Variants in PHACTR1 observed in about 807,000 individuals in gnomAD.
The protein encoded by PHACTR1 is RPEL repeat containing 1.
PHACTR1 carries 16 observed loss-of-function variants against 69.2 expected under a neutral mutation model. The ratio of observed to expected loss-of-function variants is 0.23; its 90% CI spans 0.16 to 0.35. The LOEUF is 0.35. Among genes scored for constraint, PHACTR1 ranks in the 10% least tolerant of loss-of-function variants. The pLI is 1.00. For synonymous variants in PHACTR1, 312 were observed against 284.5 expected (o/e 1.10, Z -0.97); for missense variants, 510 against 734.7 (o/e 0.69, Z 3.54).
chr6:12,800,371 A>G (rs985880078), intron 4 of PHACTR1, among the ~76,000 whole-genome samples: 3 of 152,224 alleles, frequency 2.0e-5, no homozygotes, highest in African/African-American at 7.2e-5. Flanking sequence ...TGGGCAACAC[A>G]TGCAGGGAGA....
At chr6:12,929,557 C>G (rs1049977551) in intron 4 of PHACTR1, among the ~76,000 whole-genome samples, 3 of 152,138 alleles carry the variant, frequency 2.0e-5, no homozygotes, top group African/African-American at 4.8e-5. Context: ...ATGGTTTAAT[C>G]CAAGGAAGAC....
chr6:13,156,694 C>T (rs537011862), intron 5 of PHACTR1, among the ~76,000 whole-genome samples: 104 of 152,326 alleles, frequency 6.8e-4, no homozygotes, highest in African/African-American at 2.3e-3. Flanking sequence ...TGGCTAGCAT[C>T]GAACTTGTCA....
At chr6:13,236,384 A>G (rs150204484) in intron 10 of PHACTR1, among the ~76,000 whole-genome samples, 1 of 152,288 alleles carries the variant, frequency 6.6e-6, no homozygotes, top group Non-Finnish European at 1.5e-5. Flanking sequence ...GAGTCCCACA[A>G]ATCAAGTGGC....
chr6:13,278,465 C>A, intron 12 of PHACTR1, 136 bp downstream of exon 12: 1 of 696,558 alleles, frequency 1.4e-6, no homozygotes, highest in South Asian at 1.9e-5. Context: ...CACTCTCTTA[C>A]TCTATAAGAC....
intron 5 of PHACTR1, among the ~76,000 whole-genome samples, chr6:13,071,974 T>C (rs35229766): frequency 0.17 from 26,513 of 152,218 alleles, 2,853 homozygotes; most frequent in South Asian, 0.39. Flanking sequence ...CATCATTTTA[T>C]AATAATATGT....
intron 4 of PHACTR1, chr6:12,933,664 A>G (rs769436777): frequency 6.2e-7 from 1 of 1,612,836 alleles, no homozygotes; most frequent in Admixed American, 1.7e-5. Flanking sequence ...TGGATGAAGC[A>G]AGAATGGGAC....
chr6:13,027,447 C>T (rs1490689853), intron 4 of PHACTR1, among the ~76,000 whole-genome samples: 9 of 152,146 alleles, frequency 5.9e-5, no homozygotes, highest in Admixed American at 5.9e-4. Flanking sequence ...GTCCATGTTA[C>T]TGCAACAGAA....
chr6:12,757,303 C>T (rs538575134), intron 4 of PHACTR1, among the ~76,000 whole-genome samples: 17 of 152,026 alleles, frequency 1.1e-4, no homozygotes, highest in South Asian at 8.3e-4. Context: ...GCAAGGAGAC[C>T]GGTGTGGCTG....
At chr6:12,862,780 A>G (rs1414479607) in intron 4 of PHACTR1, among the ~76,000 whole-genome samples, 2 of 152,246 alleles carry the variant, frequency 1.3e-5, no homozygotes, top group Admixed American at 6.5e-5. Flanking sequence ...TTATATCTCC[A>G]TGCACCTTCT....
At chr6:12,866,695 G>A (rs55803153) in intron 4 of PHACTR1, among the ~76,000 whole-genome samples, 13,031 of 152,234 alleles carry the variant, frequency 0.086, 640 homozygotes, top group African/African-American at 0.13. Context: ...AGGGTGCCCA[G>A]CTTCCCTCTG....
At chr6:13,055,285 C>T (rs1806597965) in intron 5 of PHACTR1, among the ~76,000 whole-genome samples, 1 of 152,136 alleles carries the variant, frequency 6.6e-6, no homozygotes, top group Admixed American at 6.5e-5. Context: ...TCTCAGTCAT[C>T]GTGCTGGTTC....
At chr6:13,122,018 T>C (rs1455456542) in intron 5 of PHACTR1, among the ~76,000 whole-genome samples, 4 of 152,202 alleles carry the variant, frequency 2.6e-5, no homozygotes, top group African/African-American at 9.7e-5. Context: ...ATATAGGCAG[T>C]ATTATGACAT....
chr6:12,829,660 TAAA>T (rs2127724570), intron 4 of PHACTR1, among the ~76,000 whole-genome samples: 1 of 151,440 alleles, frequency 6.6e-6, no homozygotes, highest in East Asian at 1.9e-4. Flanking sequence ...GAAAAGATAA[TAAA>T]AGAAAATGAG....
intron 4 of PHACTR1, among the ~76,000 whole-genome samples, chr6:12,844,537 G>A (rs1007010559): frequency 1.3e-5 from 2 of 152,210 alleles, no homozygotes; most frequent in South Asian, 2.1e-4. Context: ...AGTTCTATGC[G>A]TACAGGACAC....
chr6:12,848,920 T>A (rs867306283), intron 4 of PHACTR1, among the ~76,000 whole-genome samples: 102 of 142,726 alleles, frequency 7.1e-4, no homozygotes, highest in African/African-American at 2.6e-3. Context: ...GAAATCAGAC[T>A]TTTTTTTTTT....
At chr6:13,250,194 C>A (rs1252288166) in intron 10 of PHACTR1, among the ~76,000 whole-genome samples, 1 of 152,180 alleles carries the variant, frequency 6.6e-6, no homozygotes, top group Admixed American at 6.5e-5. Context: ...CATTTAAGGA[C>A]CTAGACTGAG....
intron 4 of PHACTR1, among the ~76,000 whole-genome samples, chr6:12,770,511 T>C (rs1769244600): frequency 6.6e-6 from 1 of 152,148 alleles, no homozygotes; most frequent in Non-Finnish European, 1.5e-5. Flanking sequence ...GATGAAGCCA[T>C]GTGTGGAGGG....
chr6:12,805,294 T>C lies in PHACTR1; in HGVS notation c.250+55504T>C, dbSNP rs551852582. Among the ~76,000 whole-genome samples the C allele has an allele frequency of 6.6e-5, 10 of 152,344 alleles. No homozygotes were observed. In the East Asian group the frequency reaches 1.5e-3, roughly 24 times the overall value. Reference sequence around the variant, plus strand: ...TTAACTTCTCCTTAAAATAAATGTCTTCTAAAATAATCTGGTTTACTTGAG... The same window carrying C: ...TTAACTTCTCCTTAAAATAAATGTCCTCTAAAATAATCTGGTTTACTTGAG... On this transcript the variant is annotated intron_variant, in intron 4 of 14. Transcript: ENST00000332995.
intron 4 of PHACTR1, among the ~76,000 whole-genome samples, chr6:13,035,514 C>T (rs1468234038): frequency 6.6e-6 from 1 of 151,946 alleles, no homozygotes; most frequent in East Asian, 1.9e-4. Context: ...AAAATGCAAG[C>T]AATTCTCTAG....
Sources: allele counts gnomAD v4.1 joint callset (sites outside exome capture counted in the v4.1 genomes callset), GRCh38; gene constraint gnomAD v4.1.1; transcripts MANE v1.5; gene names NCBI Gene and HGNC (gene_info 2026-07-23, HGNC 2026-07-21).